The following IGSF10 variants were observed in gnomAD, a reference collection of about 807,000 sequenced individuals.
The protein encoded by IGSF10 is calvaria mechanical force protein 608.
In IGSF10, 126 loss-of-function variants were observed where a neutral mutation model predicts 128.2. The observed-to-expected ratio is 0.98, with a 90% CI of 0.85 to 1.14. The LOEUF (loss-of-function observed/expected upper bound fraction) is 1.14. IGSF10 is among the 50% of genes most tolerant of loss of function. The probability of loss-of-function intolerance (pLI) is 0.00; values close to 1 mark genes in which losing one functional copy is unlikely to be tolerated. For missense variants in IGSF10, 3,295 were observed against 3,149.8 expected (o/e 1.05, Z -1.10); for synonymous variants, 1,185 against 1,146.2 (o/e 1.03, Z -0.68).
rs777913358 is a variant in IGSF10 at position 151,443,262 on chromosome 3, GAAC to G, written c.5682_5684del (p.Leu1894del). 3.7e-6 allele frequency: 6 copies of G among 1,611,504 alleles called. No individual in the cohort carries two copies. The Admixed American group carries it at 5.0e-5, about 14-fold the overall frequency. ...TATACAAAGTCCCATTTGAAAATAA[GAAC>G]AACTTGGAATTGGTAAACTGTAATG... On this transcript the variant is annotated inframe_deletion, in exon 7 of 8. Coordinates refer to ENST00000282466, the MANE Select transcript of IGSF10 (RefSeq NM_178822.5).
At chr3:151,609,660 T>C in the IGSF10 span, among the ~76,000 whole-genome samples, 7 of 152,086 alleles carry the variant, frequency 4.6e-5, no homozygotes, top group African/African-American at 1.7e-4. Flanking sequence ...TGTGCGGCAA[T>C]AAAGAGACTG....
At chr3:151,579,875 AAAGGAAGG>A in the IGSF10 span, among the ~76,000 whole-genome samples, 120 of 121,926 alleles carry the variant, frequency 9.8e-4, no homozygotes, top group Non-Finnish European at 1.4e-3. Context: ...GGGAGGAAGG[AAAGGAAGG>A]AAGGAAGGAA....
At chr3:151,563,148 A>G in the IGSF10 span, among the ~76,000 whole-genome samples, 1 of 152,008 alleles carries the variant, frequency 6.6e-6, no homozygotes, top group Non-Finnish European at 1.5e-5. Flanking sequence ...GGTATGCTTG[A>G]GTTAATGCTC....
chr3:151,617,308 T>C, the IGSF10 span, among the ~76,000 whole-genome samples: 1 of 130,644 alleles, frequency 7.7e-6, no homozygotes, highest in African/African-American at 3.0e-5. Flanking sequence ...CTTCTTCTTC[T>C]TCTTCTTCTT....
the IGSF10 span, among the ~76,000 whole-genome samples, chr3:151,581,468 T>C: frequency 6.6e-6 from 1 of 152,194 alleles, no homozygotes; most frequent in East Asian, 1.9e-4. Context: ...CTTTGTGTTG[T>C]TTGGTACCTC....
At position 151,448,369 on chromosome 3, in the gene IGSF10, G is replaced by T. The variant is rs764467873; in HGVS notation, c.1612C>A (p.Leu538Ile). 1.9e-6 allele frequency: 3 copies of T among 1,614,170 alleles called. No individual in the cohort carries two copies. Among genetic ancestry groups the T allele is most frequent in the Non-Finnish European group, 2.5e-6 (3 of 1,180,016 alleles). ...ILIDKSGKLE[L>I]QMADSFDTGV... ...GTGTCAAAACTATCAGCCATCTGGAGTTCCAATTTTCCACTTTTGTCTATT... is the reference window on the plus strand; with the variant it reads ...GTGTCAAAACTATCAGCCATCTGGATTTCCAATTTTCCACTTTTGTCTATT... The change falls in exon 6 of 8, where the codon CTC becomes ATC. Residue 538 changes from leucine (L) to isoleucine (I), a missense_variant. Leu to Ile is a conservative substitution (Grantham distance 5). Transcript: ENST00000282466.
chr3:151,487,765 G>A, the IGSF10 span, among the ~76,000 whole-genome samples: 1 of 151,816 alleles, frequency 6.6e-6, no homozygotes, highest in South Asian at 2.1e-4. Flanking sequence ...GAAGTCCTTG[G>A]ACAAAATTCT....
rs777237629 is a variant in IGSF10, at chr3:151,438,573, G to A, written c.5988C>T (p.Tyr1996=). ...QHRVGSWIHV[Y]PNGSLFIGSV... ...ATCCAATAAACAGGGATCCATTAGGGTAGACGTGGATCCAGCTGCCCACTC... is the reference window on the plus strand; with the variant it reads ...ATCCAATAAACAGGGATCCATTAGGATAGACGTGGATCCAGCTGCCCACTC... The change falls in exon 8 of 8, where the codon TAC becomes TAT. Residue 1996 remains tyrosine, a synonymous_variant. Coordinates refer to ENST00000282466, the MANE Select transcript of IGSF10 (RefSeq NM_178822.5). The A allele has an allele frequency of 1.2e-6, 2 of 1,613,348 alleles. No homozygotes were observed. Among genetic ancestry groups the A allele is most frequent in the East Asian group, 2.2e-5 (1 of 44,880 alleles).
At chr3:151,501,157 T>C in the IGSF10 span, among the ~76,000 whole-genome samples, 1 of 152,100 alleles carries the variant, frequency 6.6e-6, no homozygotes, top group South Asian at 2.1e-4. Flanking sequence ...ATTCAAGGGC[T>C]GCTTACACCA....
At chr3:151,560,777 T>C in the IGSF10 span, among the ~76,000 whole-genome samples, 145,553 of 152,102 alleles carry the variant, frequency 0.96, 69,697 homozygotes, top group East Asian at 1. Context: ...TCCACACCAG[T>C]TCTTGGAATT....
At chr3:151,557,750 C>A in the IGSF10 span, among the ~76,000 whole-genome samples, 1 of 151,472 alleles carries the variant, frequency 6.6e-6, no homozygotes, top group Admixed American at 6.6e-5. Context: ...CTTAGTTTCC[C>A]TGTGTGCAAA....
At chr3:151,484,322 C>T in the IGSF10 span, among the ~76,000 whole-genome samples, 4 of 151,984 alleles carry the variant, frequency 2.6e-5, no homozygotes, top group African/African-American at 9.7e-5. Context: ...TAGATAAAAA[C>T]CCCCACCTCC....
Position 151,448,115 on chromosome 3 carries a change from C to A in IGSF10, c.1866G>T (p.Lys622Asn). 6.2e-7 allele frequency: 1 copy of A among 1,614,168 alleles called. No individual in the cohort carries two copies. Among genetic ancestry groups the A allele is most frequent in the Non-Finnish European group, 8.5e-7 (1 of 1,180,012 alleles). The stretch of plus-strand genomic sequence containing the variant: ...TTAATGTGCCATTGTTTAGAACTTT[C>A]TTGTCTCTTGATGACTGATAGAGCA... ...NNVLYQSSRD[K>N]KVLNNGTLRI... is the part of the protein sequence containing the mutation. The change falls in exon 6 of 8, where the codon AAG becomes AAT. Residue 622 changes from lysine (K) to asparagine (N), a missense_variant. Lys to Asn is a moderately conservative substitution (Grantham distance 94). Coordinates refer to ENST00000282466, the MANE Select transcript of IGSF10 (RefSeq NM_178822.5).
the IGSF10 span, among the ~76,000 whole-genome samples, chr3:151,562,059 TC>T: frequency 6.6e-6 from 1 of 152,110 alleles, no homozygotes; most frequent in Non-Finnish European, 1.5e-5. Flanking sequence ...TGGGCTGCAT[TC>T]CCAGGAGGAT....
At chr3:151,444,817 T>C in intron 6 of IGSF10, 102 bp downstream of exon 6, 1 of 1,121,680 alleles carries the variant, frequency 8.9e-7, no homozygotes, top group Non-Finnish European at 1.2e-6. Flanking sequence ...CTTAGAAAAA[T>C]TTGAAACTGA....
chr3:151,502,806 C>G, the IGSF10 span, among the ~76,000 whole-genome samples: 1 of 151,970 alleles, frequency 6.6e-6, no homozygotes, highest in East Asian at 1.9e-4. Flanking sequence ...GAAGAGCTAA[C>G]AATACAGCAA....
At chr3:151,602,647 G>T in the IGSF10 span, among the ~76,000 whole-genome samples, 1 of 151,868 alleles carries the variant, frequency 6.6e-6, no homozygotes, top group Non-Finnish European at 1.5e-5. Context: ...CGGCTGATCA[G>T]CTGCCTGACC....
chr3:151,473,960 A>G, the IGSF10 span, among the ~76,000 whole-genome samples: 1 of 151,826 alleles, frequency 6.6e-6, no homozygotes, highest in Non-Finnish European at 1.5e-5. Context: ...CACTGATGAA[A>G]TATTCCAGTG....
chr3:151,515,875 A>T, the IGSF10 span, among the ~76,000 whole-genome samples: 1 of 151,828 alleles, frequency 6.6e-6, no homozygotes, highest in Non-Finnish European at 1.5e-5. Flanking sequence ...TGGGCCATTT[A>T]AATATTTATA....
Sources: gnomAD v4.1 joint callset for allele counts (sites outside exome capture counted in the v4.1 genomes callset) on GRCh38, gnomAD v4.1.1 for gene constraint, MANE v1.5 for transcripts, NCBI Gene and HGNC (gene_info 2026-07-23, HGNC 2026-07-21) for gene names.